Variants in RALYL observed in about 807,000 individuals in gnomAD.
RALYL encodes the protein RNA-binding Raly-like protein.
In RALYL, 29 loss-of-function variants were observed where a neutral mutation model predicts 35.1. That is an observed-to-expected ratio of 0.83 (90% CI 0.61 to 1.13). RALYL has a LOEUF of 1.13. RALYL is among the 50% of genes most tolerant of loss of function. RALYL has a pLI of 0.00. For missense variants in RALYL, 359 were observed against 360.4 expected (o/e 1.00, Z 0.03); for synonymous variants, 120 against 127.6 (o/e 0.94, Z 0.40).
At chr8:84,234,737 T>G (rs1826095054) in intron 1 of RALYL, among the ~76,000 whole-genome samples, 1 of 151,990 alleles carries the variant, frequency 6.6e-6, no homozygotes, top group South Asian at 2.1e-4. Flanking sequence ...ATTAAAGTAT[T>G]TACTAAATTG....
intron 1 of RALYL, among the ~76,000 whole-genome samples, chr8:84,301,033 A>G (rs1264004940): frequency 1.3e-5 from 2 of 151,938 alleles, no homozygotes; most frequent in Non-Finnish European, 2.9e-5. Flanking sequence ...GCCTGTTTCT[A>G]TATTTAACCC....
intron 2 of RALYL, among the ~76,000 whole-genome samples, chr8:84,555,879 G>T (rs2061080553): frequency 6.6e-6 from 1 of 152,168 alleles, no homozygotes; most frequent in South Asian, 2.1e-4. Flanking sequence ...ATGGAAATTT[G>T]CACTATAAAG....
intron 3 of RALYL, among the ~76,000 whole-genome samples, chr8:84,779,165 G>A (rs190966838): frequency 1.6e-4 from 24 of 152,276 alleles, no homozygotes; most frequent in African/African-American, 5.1e-4. Flanking sequence ...AATACGTTAT[G>A]TACATTACAC....
At chr8:84,466,526 G>A (rs1455264896) in intron 1 of RALYL, among the ~76,000 whole-genome samples, 3 of 151,664 alleles carry the variant, frequency 2.0e-5, no homozygotes, top group Non-Finnish European at 4.4e-5. Flanking sequence ...TTTTTGATGT[G>A]CTGCTGTATT....
chr8:84,294,273 A>AG (rs1350636264), intron 1 of RALYL, among the ~76,000 whole-genome samples: 1 of 152,168 alleles, frequency 6.6e-6, no homozygotes, highest in East Asian at 1.9e-4. Context: ...TGCTTATCTA[A>AG]GTACATGATA....
chr8:84,683,382 A>G (rs1479055008), intron 2 of RALYL, among the ~76,000 whole-genome samples: 2 of 152,118 alleles, frequency 1.3e-5, no homozygotes, highest in Non-Finnish European at 2.9e-5. Flanking sequence ...GCTGAGTTCA[A>G]TTCCTGGATA....
intron 1 of RALYL, among the ~76,000 whole-genome samples, chr8:84,427,428 T>G (rs557350266): frequency 6.6e-6 from 1 of 152,352 alleles, no homozygotes; most frequent in East Asian, 1.9e-4. Flanking sequence ...GTAAGCTTGT[T>G]CTATTAATCT....
At chr8:84,325,772 G>A (rs563907855) in intron 1 of RALYL, among the ~76,000 whole-genome samples, 1 of 152,336 alleles carries the variant, frequency 6.6e-6, no homozygotes, top group East Asian at 1.9e-4. Context: ...GTGGCTAGCA[G>A]ATAACTTTTG....
chr8:84,657,655 A>T (rs1331563789), intron 2 of RALYL, among the ~76,000 whole-genome samples: 1 of 152,184 alleles, frequency 6.6e-6, no homozygotes, highest in Admixed American at 6.6e-5. Flanking sequence ...TCAGAGAAAG[A>T]ACACTCTAAT....
chr8:84,411,647 G>A (rs1253354969), intron 1 of RALYL, among the ~76,000 whole-genome samples: 1 of 151,840 alleles, frequency 6.6e-6, no homozygotes, highest in Non-Finnish European at 1.5e-5. Flanking sequence ...CAAAATATCA[G>A]GCACTTAATA....
At chr8:84,278,096 C>T (rs1585872665) in intron 1 of RALYL, among the ~76,000 whole-genome samples, 1 of 152,218 alleles carries the variant, frequency 6.6e-6, no homozygotes, top group African/African-American at 2.4e-5. Flanking sequence ...AGACCCTGCC[C>T]CTGCAGCAAA....
chr8:84,499,513 G>A (rs1477047263), intron 1 of RALYL, among the ~76,000 whole-genome samples: 1 of 152,120 alleles, frequency 6.6e-6, no homozygotes, highest in African/African-American at 2.4e-5. Flanking sequence ...TTAAGCAGTT[G>A]CATGTGGCAA....
At chr8:84,426,436 C>CTG (rs746277761) in intron 1 of RALYL, among the ~76,000 whole-genome samples, 3,027 of 130,814 alleles carry the variant, frequency 0.023, 58 homozygotes, top group African/African-American at 0.053. Flanking sequence ...CTCTCTCTCT[C>CTG]TCTGTGTGTG....
intron 2 of RALYL, among the ~76,000 whole-genome samples, chr8:84,739,790 G>A (rs1365694714): frequency 6.6e-6 from 1 of 151,832 alleles, no homozygotes; most frequent in Non-Finnish European, 1.5e-5. Context: ...CTCTGAGTAT[G>A]ATTTAATGAA....
intron 2 of RALYL, among the ~76,000 whole-genome samples, chr8:84,751,024 T>C (rs909243679): frequency 3.9e-5 from 6 of 152,150 alleles, no homozygotes; most frequent in African/African-American, 1.4e-4. Context: ...TCTTTGTACA[T>C]ACCTGCTCTT....
chr8:84,332,621 A>T (rs1461779546), intron 1 of RALYL, among the ~76,000 whole-genome samples: 1 of 152,142 alleles, frequency 6.6e-6, no homozygotes, highest in Non-Finnish European at 1.5e-5. Context: ...GAAGACCATT[A>T]TTAATAATAT....
chr8:84,830,841 A>G (rs1830765130), intron 4 of RALYL, among the ~76,000 whole-genome samples: 1 of 152,164 alleles, frequency 6.6e-6, no homozygotes, highest in Non-Finnish European at 1.5e-5. Context: ...ATTCAGAAGG[A>G]AAGTACCTCT....
chr8:84,594,712 T>C (rs1814076539), intron 2 of RALYL, among the ~76,000 whole-genome samples: 1 of 152,126 alleles, frequency 6.6e-6, no homozygotes, highest in Admixed American at 6.6e-5. Flanking sequence ...GGAGACATTT[T>C]CATGTTAACG....
chr8:84,219,666 A>C (rs2131288283), intron 1 of RALYL, among the ~76,000 whole-genome samples: 1 of 152,144 alleles, frequency 6.6e-6, no homozygotes, highest in East Asian at 1.9e-4. Context: ...GAAATGGATG[A>C]GAATGCAGGG....
Sources: allele counts gnomAD v4.1 joint callset (sites outside exome capture counted in the v4.1 genomes callset), GRCh38; gene constraint gnomAD v4.1.1; transcripts MANE v1.5; gene names NCBI Gene and HGNC (gene_info 2026-07-23, HGNC 2026-07-21).